INSC: variants seen among roughly 807,000 people sequenced by gnomAD.
The protein encoded by INSC is INSC spindle orientation adaptor protein, also known as protein inscuteable homolog.
A neutral mutation model predicts 58.6 loss-of-function variants in INSC; 67 were observed. The ratio of observed to expected loss-of-function variants is 1.14; its 90% CI spans 0.94 to 1.40. INSC has a LOEUF of 1.40. INSC is among the 40% of genes most tolerant of loss of function. INSC has a pLI of 0.00. For synonymous variants in INSC, 262 were observed against 276.1 expected, an observed-to-expected ratio of 0.95 and a Z score of 0.51; for missense variants, 714 against 692.0, an observed-to-expected ratio of 1.03 and a Z score of -0.36.
At position 15,177,119 on chromosome 11, in the gene INSC, G is replaced by A. The variant is rs775646423; in HGVS notation, c.411G>A (p.Lys137=). Residue 137 remains lysine (K), a synonymous_variant, in exon 4 of 13, where the codon AAG becomes AAA. Transcript: ENST00000379556. ...GACTTATTTTTCTACAGATTGAGAA[G>A]CTGCTAATGGAGAAATGCTCGGAGC... The part of the protein sequence containing the change: ...NSLKEMGEIE[K]LLMEKCSELS... 8.1e-6 allele frequency: 13 copies of A among 1,613,954 alleles called. No individual in the cohort carries two copies. The highest frequency in any genetic ancestry group is 1.3e-5 in the African/African-American group (1 of 75,024).
Position 15,188,191 on chromosome 11 carries a change from T to A in INSC, c.580-2510T>A, listed in dbSNP as rs931299436. The stretch of plus-strand genomic sequence containing the variant: ...AGAGGGGCATTTGCAAGGCCCCCAC[T>A]CACAAGCTCGGGTTACCAATACATA... On this transcript the variant is annotated intron_variant, in intron 5 of 12. Transcript: ENST00000379556. 9.1e-6 allele frequency: 9 copies of A among 985,274 alleles called. No individual in the cohort carries two copies. The African/African-American group carries it at 1.4e-4, about 15-fold the overall frequency. 61.0% of individuals were successfully genotyped at this position (985,274 alleles called of 1,614,324 possible).
intron 1 of INSC, among the ~76,000 whole-genome samples, chr11:15,125,021 A>G (rs1847958675): frequency 6.6e-6 from 1 of 152,200 alleles, no homozygotes; most frequent in African/African-American, 2.4e-5. Flanking sequence ...GACTGTAAAC[A>G]GGGTACTATA....
chr11:15,163,100 A>G (rs567369005), intron 2 of INSC, among the ~76,000 whole-genome samples: 2 of 152,348 alleles, frequency 1.3e-5, no homozygotes, highest in East Asian at 1.9e-4. Context: ...ATCAGAGCTG[A>G]GAATTTCTAC....
At chr11:15,199,894 T>A (rs1850513378) in intron 6 of INSC, among the ~76,000 whole-genome samples, 1 of 152,176 alleles carries the variant, frequency 6.6e-6, no homozygotes, top group South Asian at 2.1e-4. Flanking sequence ...CTGCCACTGG[T>A]TTGCTTGGCA....
intron 12 of INSC, among the ~76,000 whole-genome samples, chr11:15,241,307 A>G (rs1206826211): frequency 6.6e-6 from 1 of 152,124 alleles, no homozygotes; most frequent in Non-Finnish European, 1.5e-5. Flanking sequence ...CATAAGGGGG[A>G]AGTGATGGAT....
chr11:15,175,777 G>C lies in INSC; in HGVS notation c.93G>C (p.Trp31Cys), dbSNP rs1307223361. The part of the protein sequence containing the change: ...HLMQVDSVQR[W>C]MEDLKLMTEC... ...TGCAGGTGGACTCAGTCCAGCGCTGGATGGAAGATCTGAAGCTCATGACCG... is the reference window on the plus strand; with the variant it reads ...TGCAGGTGGACTCAGTCCAGCGCTGCATGGAAGATCTGAAGCTCATGACCG... The change falls in exon 3 of 13, where the codon TGG (tryptophan) becomes TGC (cysteine). Residue 31 changes from tryptophan (W) to cysteine (C), a missense_variant. By Grantham distance (215) the Trp-to-Cys change is radical (BLOSUM62 -2). Coordinates refer to ENST00000379556, the MANE Select transcript of INSC (RefSeq NM_001042536.3). 1 of 1,594,206 alleles carries C rather than the reference G, an allele frequency of 6.3e-7. No individual in the cohort carries two copies. The highest frequency in any genetic ancestry group is 1.7e-5 in the Admixed American group (1 of 59,530).
rs1454739429 is a variant in INSC, at chr11:15,177,146, C to T, written c.438C>T (p.Leu146=). The change falls in exon 4 of 13, where the codon CTC becomes CTT. Residue 146 remains leucine, a synonymous_variant. Coordinates refer to ENST00000379556, the MANE Select transcript of INSC (RefSeq NM_001042536.3). ...TGCTAATGGAGAAATGCTCGGAGCT[C>T]TCGGCAGTCACAGAGAGGTAAATTT... ...EKLLMEKCSE[L]SAVTERCLQV... is the part of the protein sequence containing the mutation. 10 of 1,613,946 alleles carry T rather than the reference C, an allele frequency of 6.2e-6. No individual in the cohort carries two copies. The highest frequency in any genetic ancestry group is 8.5e-6 in the Non-Finnish European group (10 of 1,179,992).
At chr11:15,210,505 T>TTG (rs56375160) in intron 7 of INSC, among the ~76,000 whole-genome samples, 11,310 of 135,416 alleles carry the variant, frequency 0.084, 762 homozygotes, top group African/African-American at 0.19. Context: ...ATTTGAGAGT[T>TTG]TGTGTGTGTG....
At chr11:15,195,486 C>T (rs888492167) in intron 6 of INSC, among the ~76,000 whole-genome samples, 1 of 152,136 alleles carries the variant, frequency 6.6e-6, no homozygotes, top group Non-Finnish European at 1.5e-5. Flanking sequence ...AGCTCTGAAG[C>T]TCTGGGTGTT....
chr11:15,135,123 G>GAAAAGA, intron 1 of INSC, among the ~76,000 whole-genome samples: 1 of 151,942 alleles, frequency 6.6e-6, no homozygotes, highest in Non-Finnish European at 1.5e-5. Context: ...GAGAATTGAG[G>GAAAAGA]GATTTCAGTC....
intron 12 of INSC, among the ~76,000 whole-genome samples, 190 bp downstream of exon 12, chr11:15,240,713 A>T (rs1431500931): frequency 6.6e-6 from 1 of 152,224 alleles, no homozygotes; most frequent in Non-Finnish European, 1.5e-5. Flanking sequence ...GATGAAAATT[A>T]TATGAGGTCA....
chr11:15,140,888 G>A (rs2133725883), intron 1 of INSC, among the ~76,000 whole-genome samples: 1 of 152,148 alleles, frequency 6.6e-6, no homozygotes, highest in East Asian at 1.9e-4. Flanking sequence ...CACAGCCTCT[G>A]TTCTTCTTTT....
At chr11:15,241,696 C>A in intron 12 of INSC, 1 of 692,172 alleles carries the variant, frequency 1.4e-6, no homozygotes, top group Non-Finnish European at 2.6e-6. Flanking sequence ...CTTACGGAGC[C>A]CTTCTCAGAA....
chr11:15,183,406 G>A (rs1849851497), intron 5 of INSC, among the ~76,000 whole-genome samples: 1 of 148,568 alleles, frequency 6.7e-6, no homozygotes. Context: ...TTCCAAGTGT[G>A]AGCAGCTTCT....
chr11:15,133,625 G>A (rs530153376), intron 1 of INSC, among the ~76,000 whole-genome samples: 3 of 152,248 alleles, frequency 2.0e-5, no homozygotes, highest in South Asian at 4.1e-4. Context: ...AAAGTTCCTA[G>A]GCTTTATCAC....
At chr11:15,253,487 G>A in the INSC span, among the ~76,000 whole-genome samples, 3 of 151,964 alleles carry the variant, frequency 2.0e-5, no homozygotes, top group Non-Finnish European at 2.9e-5. Context: ...TCCCTTCAAC[G>A]CTATCTTTTT....
intron 12 of INSC, among the ~76,000 whole-genome samples, 185 bp downstream of exon 12, chr11:15,240,708 A>G (rs1427413881): frequency 6.6e-6 from 1 of 152,186 alleles, no homozygotes; most frequent in Admixed American, 6.5e-5. Flanking sequence ...ATCATGATGA[A>G]AATTATATGA....
At chr11:15,214,606 A>G (rs1851145868) in intron 7 of INSC, among the ~76,000 whole-genome samples, 1 of 152,140 alleles carries the variant, frequency 6.6e-6, no homozygotes, top group Non-Finnish European at 1.5e-5. Flanking sequence ...CATAAATCTG[A>G]TATGATGTTT....
chr11:15,189,087 A>G (rs1850072835), intron 5 of INSC, among the ~76,000 whole-genome samples: 1 of 152,226 alleles, frequency 6.6e-6, no homozygotes, highest in Non-Finnish European at 1.5e-5. Context: ...CTAGATTAGC[A>G]TGTTGTGCGT....
Sources: allele counts gnomAD v4.1 joint callset (sites outside exome capture counted in the v4.1 genomes callset), GRCh38; gene constraint gnomAD v4.1.1; transcripts MANE v1.5; gene names NCBI Gene and HGNC (gene_info 2026-07-23, HGNC 2026-07-21).